Variants in JAZF1 observed in about 807,000 individuals in gnomAD.
JAZF1 encodes the protein juxtaposed with another zinc finger protein 1.
In JAZF1, 8 loss-of-function variants were observed where a neutral mutation model predicts 26.4. The observed-to-expected ratio is 0.30, with a 90% confidence interval of 0.18 to 0.55. JAZF1 has a LOEUF of 0.55. JAZF1 is among the 20% of genes least tolerant of loss of function. JAZF1 has a pLI of 0.94. For synonymous variants in JAZF1, 126 were observed against 122.3 expected, an observed-to-expected ratio of 1.03 and a Z score of -0.20; for missense variants, 199 against 322.0, an observed-to-expected ratio of 0.62 and a Z score of 2.92.
chr7:27,963,124 A>T (rs1785212059), intron 2 of JAZF1, among the ~76,000 whole-genome samples: 1 of 152,208 alleles, frequency 6.6e-6, no homozygotes, highest in African/African-American at 2.4e-5. Flanking sequence ...TCTGTGAATG[A>T]AGGGGAATAC....
At chr7:28,100,173 C>T (rs1471351715) in intron 1 of JAZF1, among the ~76,000 whole-genome samples, 1 of 152,066 alleles carries the variant, frequency 6.6e-6, no homozygotes, top group Non-Finnish European at 1.5e-5. Context: ...GGAGAGAAAC[C>T]CATCAGCCTT....
At chr7:28,171,913 C>T (rs1193933823) in intron 1 of JAZF1, among the ~76,000 whole-genome samples, 1 of 152,048 alleles carries the variant, frequency 6.6e-6, no homozygotes, top group Non-Finnish European at 1.5e-5. Flanking sequence ...GTTTTGTGGG[C>T]CTGCAGATTC....
intron 1 of JAZF1, among the ~76,000 whole-genome samples, chr7:28,151,935 C>T (rs1242195882): frequency 6.6e-6 from 1 of 152,212 alleles, no homozygotes; most frequent in Non-Finnish European, 1.5e-5. Context: ...AATTGTGGCT[C>T]ATGTTGACAT....
intron 1 of JAZF1, among the ~76,000 whole-genome samples, chr7:28,136,698 C>A (rs1329388077): frequency 6.6e-6 from 1 of 152,186 alleles, no homozygotes; most frequent in Non-Finnish European, 1.5e-5. Context: ...AGTTTGTGGT[C>A]TAGTTAGGGA....
chr7:28,120,310 G>A (rs1404273467), intron 1 of JAZF1, among the ~76,000 whole-genome samples: 3 of 151,708 alleles, frequency 2.0e-5, no homozygotes, highest in African/African-American at 7.3e-5. Flanking sequence ...TACAGCCAAA[G>A]GAAACTTCTG....
chr7:27,893,553 C>T (rs1784010854), intron 3 of JAZF1, among the ~76,000 whole-genome samples: 1 of 152,132 alleles, frequency 6.6e-6, no homozygotes, highest in Admixed American at 6.5e-5. Flanking sequence ...TGACATTGCT[C>T]CCCCTTTCCT....
At chr7:28,058,323 G>C (rs993640872) in intron 1 of JAZF1, among the ~76,000 whole-genome samples, 9 of 152,130 alleles carry the variant, frequency 5.9e-5, no homozygotes, top group African/African-American at 1.7e-4. Context: ...ACCTGGGGTG[G>C]CCAGCCAGAG....
chr7:28,054,526 G>C (rs1325936262), intron 1 of JAZF1, among the ~76,000 whole-genome samples: 1 of 152,096 alleles, frequency 6.6e-6, no homozygotes, highest in Non-Finnish European at 1.5e-5. Context: ...CCTAGACCCA[G>C]TGAAGCCTCC....
chr7:27,949,726 G>T (rs1784977554), intron 2 of JAZF1, among the ~76,000 whole-genome samples: 1 of 152,226 alleles, frequency 6.6e-6, no homozygotes, highest in South Asian at 2.1e-4. Flanking sequence ...TTGTGCCATT[G>T]CACTCTACCC....
At chr7:28,050,976 C>CA (rs1783602562) in intron 1 of JAZF1, among the ~76,000 whole-genome samples, 1 of 151,494 alleles carries the variant, frequency 6.6e-6, no homozygotes, top group Non-Finnish European at 1.5e-5. Flanking sequence ...ACTAAAAATA[C>CA]AAAAAATTAG....
At chr7:27,910,964 T>C (rs1475457639) in intron 2 of JAZF1, among the ~76,000 whole-genome samples, 2 of 152,324 alleles carry the variant, frequency 1.3e-5, no homozygotes, top group Admixed American at 1.3e-4. Context: ...CCTTCTGTTA[T>C]TGTGCCCTGG....
chr7:27,901,956 C>T (rs1784167950), intron 2 of JAZF1, among the ~76,000 whole-genome samples: 1 of 152,202 alleles, frequency 6.6e-6, no homozygotes, highest in Non-Finnish European at 1.5e-5. Context: ...ACGGTGCGAC[C>T]TGGTGCGCTC....
chr7:28,078,393 G>A (rs1784087213), intron 1 of JAZF1, among the ~76,000 whole-genome samples: 1 of 152,214 alleles, frequency 6.6e-6, no homozygotes, highest in South Asian at 2.1e-4. Context: ...ATGTGAAAAT[G>A]CTCTCTAAGC....
At chr7:28,029,383 T>G (rs1042403163) in intron 1 of JAZF1, among the ~76,000 whole-genome samples, 1 of 152,228 alleles carries the variant, frequency 6.6e-6, no homozygotes, top group Non-Finnish European at 1.5e-5. Flanking sequence ...CATCACACTT[T>G]GTCTGTTGTA....
chr7:28,075,963 A>T (rs1454966145), intron 1 of JAZF1, among the ~76,000 whole-genome samples: 1 of 152,172 alleles, frequency 6.6e-6, no homozygotes, highest in Non-Finnish European at 1.5e-5. Flanking sequence ...TTTCTTTTGG[A>T]CATAAAATGA....
At chr7:27,988,192 GAA>G (rs35744633) in intron 2 of JAZF1, among the ~76,000 whole-genome samples, 10,561 of 143,748 alleles carry the variant, frequency 0.073, 489 homozygotes, top group African/African-American at 0.14. Flanking sequence ...AATAAATACT[GAA>G]AAAAAAAAAA....
intron 1 of JAZF1, among the ~76,000 whole-genome samples, chr7:28,016,550 G>C (rs965213456): frequency 6.6e-6 from 1 of 152,168 alleles, no homozygotes; most frequent in Admixed American, 6.5e-5. Flanking sequence ...GAGGATGAAG[G>C]GACAGGGGCC....
chr7:27,902,211 G>C (rs183873607), intron 2 of JAZF1, among the ~76,000 whole-genome samples: 1 of 152,248 alleles, frequency 6.6e-6, no homozygotes, highest in East Asian at 1.9e-4. Flanking sequence ...TATGTAATAT[G>C]AAGTATTTCT....
chr7:27,977,839 T>C (rs1253902864), intron 2 of JAZF1, among the ~76,000 whole-genome samples: 1 of 152,198 alleles, frequency 6.6e-6, no homozygotes, highest in Admixed American at 6.5e-5. Flanking sequence ...TCCATTGCAG[T>C]AAGGACATTG....
Sources: gnomAD v4.1 joint callset for allele counts (sites outside exome capture counted in the v4.1 genomes callset) on GRCh38, gnomAD v4.1.1 for gene constraint, MANE v1.5 for transcripts, NCBI Gene and HGNC (gene_info 2026-07-23, HGNC 2026-07-21) for gene names.